EHBP1: variants seen among roughly 807,000 people sequenced by gnomAD.
EHBP1 encodes the protein EH domain-binding protein 1.
In EHBP1, 55 loss-of-function variants were observed where a neutral mutation model predicts 144.0. That is an observed-to-expected ratio of 0.38 (90% CI 0.31 to 0.48). The LOEUF (loss-of-function observed/expected upper bound fraction) is 0.48. EHBP1 is among the 20% of genes least tolerant of loss of function. EHBP1 has a pLI of 0.98. For missense variants in EHBP1, 1,200 were observed against 1,364.2 expected, an observed-to-expected ratio of 0.88 and a Z score of 1.90; for synonymous variants, 469 against 472.7, an observed-to-expected ratio of 0.99 and a Z score of 0.10.
chr2:62,925,794 G>T (rs182100586), intron 10 of EHBP1, among the ~76,000 whole-genome samples: 1 of 152,186 alleles, frequency 6.6e-6, no homozygotes, highest in African/African-American at 2.4e-5. Flanking sequence ...CAACCTCATG[G>T]ATCAGATGAA....
chr2:63,022,273 C>A (rs191471343), intron 19 of EHBP1, among the ~76,000 whole-genome samples: 33 of 151,888 alleles, frequency 2.2e-4, no homozygotes, highest in Admixed American at 2.0e-3. Flanking sequence ...TTCCTCCTCT[C>A]CTCCTTCCTC....
At chr2:62,901,466 G>A (rs938268478) in intron 10 of EHBP1, among the ~76,000 whole-genome samples, 9 of 151,986 alleles carry the variant, frequency 5.9e-5, no homozygotes, top group Non-Finnish European at 1.3e-4. Flanking sequence ...AATTGGGAAC[G>A]TTTAAAAAAG....
intron 19 of EHBP1, among the ~76,000 whole-genome samples, chr2:62,998,087 G>T (rs2059712467): frequency 6.6e-6 from 1 of 152,062 alleles, no homozygotes; most frequent in African/African-American, 2.4e-5. Flanking sequence ...ATATAGGTGA[G>T]GAGACAGGCA....
chr2:62,948,918 T>G lies in EHBP1; in HGVS notation c.2072T>G (p.Leu691Arg). The change falls in exon 13 of 23, where the codon CTA becomes CGA. Residue 691 changes from leucine to arginine, a missense_variant. Around this residue, in one of 6 missense-constraint regions of EHBP1, gnomAD observed 543 missense variants for 513.1 expected, o/e 1.06. Coordinates refer to ENST00000431489, the MANE Select transcript of EHBP1 (RefSeq NM_001142616.3). ...EETDEQKLQT[L>R]DIGSNLEKEK... The stretch of plus-strand genomic sequence containing the variant: ...ACAGATGAACAAAAGCTTCAAACTC[T>G]AGACATCGGTAGTAACTTGGAGAAA... 6.2e-7 allele frequency: 1 copy of G among 1,614,076 alleles called. No individual in the cohort carries two copies. Among genetic ancestry groups the G allele is most frequent in the Non-Finnish European group, 8.5e-7 (1 of 1,179,978 alleles).
chr2:63,042,886 A>T (rs138345650), intron 21 of EHBP1, among the ~76,000 whole-genome samples: 3 of 152,018 alleles, frequency 2.0e-5, no homozygotes, highest in Non-Finnish European at 2.9e-5. Flanking sequence ...ATAATTTTCA[A>T]TTTAATTCTA....
chr2:62,929,422 C>T (rs1181231465), intron 10 of EHBP1, among the ~76,000 whole-genome samples: 2 of 152,022 alleles, frequency 1.3e-5, no homozygotes, highest in Non-Finnish European at 2.9e-5. Flanking sequence ...GATGATTAGA[C>T]ATATGTAATC....
intron 7 of EHBP1, among the ~76,000 whole-genome samples, chr2:62,852,798 G>C (rs1281722933): frequency 6.6e-6 from 1 of 152,054 alleles, no homozygotes; most frequent in Non-Finnish European, 1.5e-5. Flanking sequence ...ACTGCAAGAG[G>C]CAGGTAAATT....
At chr2:63,037,458 T>G in intron 19 of EHBP1, 77 bp from the exon 20 acceptor site, 1 of 942,452 alleles carries the variant, frequency 1.1e-6, no homozygotes, top group Non-Finnish European at 1.6e-6. Context: ...TTTCTATGTT[T>G]AAAAAATTAT....
chr2:62,915,179 TAA>T (rs992980633), intron 10 of EHBP1, among the ~76,000 whole-genome samples: 1 of 152,094 alleles, frequency 6.6e-6, no homozygotes, highest in Non-Finnish European at 1.5e-5. Flanking sequence ...AATTTCTTTG[TAA>T]AGATTCTTTT....
At chr2:62,792,948 T>C (rs1275608703) in intron 5 of EHBP1, among the ~76,000 whole-genome samples, 1 of 151,996 alleles carries the variant, frequency 6.6e-6, no homozygotes, top group Non-Finnish European at 1.5e-5. Context: ...GCACTTAGTG[T>C]ATCTTTAAAA....
At chr2:62,771,529 T>A (rs918812340) in intron 5 of EHBP1, 137 bp downstream of exon 5, 2 of 618,330 alleles carry the variant, frequency 3.2e-6, no homozygotes, top group Non-Finnish European at 2.7e-6. Flanking sequence ...TTTAGAATGT[T>A]TTTAATGAAA....
At chr2:63,044,452 A>G (rs1424095863) in intron 21 of EHBP1, 1 of 152,162 alleles carries the variant, frequency 6.6e-6, no homozygotes, top group Non-Finnish European at 1.5e-5. Context: ...GCAGTGTAAT[A>G]TTGCAGAGCA....
At chr2:62,791,614 G>A (rs1165756618) in intron 5 of EHBP1, among the ~76,000 whole-genome samples, 1 of 151,876 alleles carries the variant, frequency 6.6e-6, no homozygotes, top group Non-Finnish European at 1.5e-5. Context: ...GACGTTAAAA[G>A]TTTTAAAAAT....
At chr2:62,702,390 C>T (rs775199922), upstream of EHBP1, among the ~76,000 whole-genome samples, 4 of 152,008 alleles carry the variant, frequency 2.6e-5, no homozygotes, top group African/African-American at 4.8e-5. Flanking sequence ...AATCAAGATC[C>T]GAGTAAATAG....
intron 10 of EHBP1, among the ~76,000 whole-genome samples, chr2:62,904,764 TCTAA>T (rs1206952521): frequency 2.0e-5 from 3 of 152,200 alleles, no homozygotes; most frequent in East Asian, 1.9e-4. Context: ...AGACTATTAC[TCTAA>T]CTTTTTGTTT....
Position 62,771,398 on chromosome 2 carries a change from C to A in EHBP1, c.312+6C>A. On this transcript the variant is annotated splice_donor_region_variant and intron_variant, in intron 5 of 22. Transcript: ENST00000431489. The stretch of plus-strand genomic sequence containing the variant: ...GGACATTTGTCATAGAAAATGTAAG[C>A]TAATGGCAAATTCCTTCACCTTTCA... 2 of 1,583,656 alleles carry A rather than the reference C, an allele frequency of 1.3e-6. No individual in the cohort carries two copies. Among genetic ancestry groups the A allele is most frequent in the East Asian group, 2.3e-5 (1 of 43,226 alleles).
chr2:62,871,665 C>T (rs2050495659), intron 9 of EHBP1, among the ~76,000 whole-genome samples: 2 of 152,200 alleles, frequency 1.3e-5, no homozygotes, highest in South Asian at 4.1e-4. Flanking sequence ...CTATGTGACT[C>T]ACCTTCCATT....
intron 10 of EHBP1, among the ~76,000 whole-genome samples, chr2:62,930,001 C>A (rs900373618): frequency 8.5e-5 from 13 of 152,190 alleles, no homozygotes; most frequent in Non-Finnish European, 1.8e-4. Context: ...AATCCTAGCA[C>A]TTTGGGAGGC....
chr2:62,995,323 T>G (rs1374536808), intron 18 of EHBP1, among the ~76,000 whole-genome samples: 2 of 152,054 alleles, frequency 1.3e-5, no homozygotes, highest in Non-Finnish European at 2.9e-5. Flanking sequence ...TATTTTAACT[T>G]TAAATTTGTC....
Sources: gnomAD v4.1 joint callset for allele counts (sites outside exome capture counted in the v4.1 genomes callset) on GRCh38, gnomAD v4.1.1 for gene constraint, gnomAD v4.1.1 regional missense constraint, MANE v1.5 for transcripts, NCBI Gene and HGNC (gene_info 2026-07-23, HGNC 2026-07-21) for gene names.